SEC22A: variants seen among roughly 807,000 people sequenced by gnomAD.
SEC22A encodes SEC22 homolog A, vesicle trafficking protein.
In SEC22A, 22 loss-of-function variants were observed where a neutral mutation model predicts 35.3. The observed-to-expected ratio is 0.62, with a 90% CI of 0.45 to 0.89. The LOEUF (loss-of-function observed/expected upper bound fraction) is 0.89, where lower values mean the gene tolerates loss of function less well. Among genes scored for constraint, SEC22A ranks in the 40% least tolerant of loss-of-function variants. The pLI is 0.00. For synonymous variants in SEC22A, 119 were observed against 129.5 expected (o/e 0.92, Z 0.55); for missense variants, 354 against 362.5 (o/e 0.98, Z 0.19).
chr3:123,261,134 C>T (rs1937887644), intron 6 of SEC22A, among the ~76,000 whole-genome samples: 1 of 151,894 alleles, frequency 6.6e-6, no homozygotes, highest in African/African-American at 2.4e-5. Context: ...CGCGCCTGAC[C>T]AAAAAAATTG....
At chr3:123,225,413 A>C in intron 4 of SEC22A, 116 bp downstream of exon 4, 1 of 547,990 alleles carries the variant, frequency 1.8e-6, no homozygotes, top group Non-Finnish European at 3.0e-6. Flanking sequence ...GAGAGAATAT[A>C]GAAGTTCAAA....
chr3:123,259,757 C>T (rs1402124602), intron 6 of SEC22A, among the ~76,000 whole-genome samples, 168 bp downstream of exon 6: 1 of 152,162 alleles, frequency 6.6e-6, no homozygotes, highest in East Asian at 1.9e-4. Context: ...TTTGAGTAGA[C>T]ATACATCCCA....
intron 2 of SEC22A, among the ~76,000 whole-genome samples, chr3:123,213,094 G>A (rs1245411787): frequency 6.6e-6 from 1 of 152,130 alleles, no homozygotes; most frequent in East Asian, 1.9e-4. Context: ...GCATTTCAGA[G>A]CCATGCATAG....
Position 123,225,013 on chromosome 3 carries a change from AC to A in SEC22A, c.347-88del, listed in dbSNP as rs1937195889. 5 of 802,090 alleles carry A rather than the reference AC, an allele frequency of 6.2e-6. No individual in the cohort carries two copies. The Admixed American group carries it at 9.5e-5, about 15-fold the overall frequency. The allele number at this position is 802,090 out of a possible 1,614,324, so 49.7% of individuals were successfully genotyped here. A position where few individuals can be genotyped will look rare whatever the true frequency, so the allele number is the denominator to read the frequency against. On this transcript the variant is annotated intron_variant, in intron 3 of 6. Coordinates refer to ENST00000492595, the MANE Select transcript of SEC22A (RefSeq NM_012430.5). ...ATTGAACAATTTTGAATAATAAACT[AC>A]CTGTAATATTTACTATCCATAAACA... is the stretch of plus-strand genomic sequence containing the variant.
In SEC22A at chr3:123,245,998, T is replaced by C. The variant is rs748862039; in HGVS notation, c.641T>C (p.Ile214Thr). Residue 214 changes from isoleucine to threonine, a missense_variant, in exon 5 of 7, where the codon ATA (isoleucine) becomes ACA (threonine). Coordinates refer to ENST00000492595, the MANE Select transcript of SEC22A (RefSeq NM_012430.5). ...AATTTAATTCGAGGCTTTCATGCTA[T>C]AGAAAGTCTCCTGCAGGTACTGTGC... ...ALNLIRGFHA[I>T]ESLLQSDGDD... The C allele has an allele frequency of 6.2e-7, 1 of 1,600,780 alleles. No homozygotes were observed. The highest frequency in any genetic ancestry group is 8.6e-7 in the Non-Finnish European group (1 of 1,167,996).
chr3:123,257,722 G>A (rs1937768104), intron 5 of SEC22A, among the ~76,000 whole-genome samples: 1 of 152,046 alleles, frequency 6.6e-6, no homozygotes, highest in Non-Finnish European at 1.5e-5. Flanking sequence ...CGGGTGCAGT[G>A]GCTCACGCCT....
chr3:123,259,248 A>G (rs899296188), intron 5 of SEC22A, among the ~76,000 whole-genome samples: 1 of 152,128 alleles, frequency 6.6e-6, no homozygotes, highest in Non-Finnish European at 1.5e-5. Context: ...TTTTATCGTT[A>G]TGTCAGAACT....
At chr3:123,230,981 A>T (rs1485104877) in intron 4 of SEC22A, among the ~76,000 whole-genome samples, 1 of 152,176 alleles carries the variant, frequency 6.6e-6, no homozygotes, top group Non-Finnish European at 1.5e-5. Context: ...GGATAAAAAA[A>T]GATAAATGAA....
At chr3:123,230,960 T>G (rs557187774) in intron 4 of SEC22A, among the ~76,000 whole-genome samples, 1 of 151,972 alleles carries the variant, frequency 6.6e-6, no homozygotes, top group East Asian at 1.9e-4. Context: ...ACAAATAGAT[T>G]GAAAGTCAAA....
intron 6 of SEC22A, among the ~76,000 whole-genome samples, chr3:123,263,070 T>C (rs1278626656): frequency 6.6e-6 from 1 of 152,242 alleles, no homozygotes; most frequent in African/African-American, 2.4e-5. Flanking sequence ...ACTTCCTTAA[T>C]CTAACCGCTC....
chr3:123,228,431 T>A (rs891254122), intron 4 of SEC22A, among the ~76,000 whole-genome samples: 7 of 146,754 alleles, frequency 4.8e-5, no homozygotes, highest in African/African-American at 1.5e-4. Context: ...AAAAATTAGT[T>A]GGGCAGGGTG....
chr3:123,247,961 G>A (rs949492614), intron 5 of SEC22A, among the ~76,000 whole-genome samples: 2 of 152,250 alleles, frequency 1.3e-5, no homozygotes, highest in Non-Finnish European at 2.9e-5. Context: ...GAAAAATCGC[G>A]TGATCATATC....
intron 2 of SEC22A, among the ~76,000 whole-genome samples, chr3:123,218,544 G>T (rs760987881): frequency 6.6e-6 from 1 of 152,088 alleles, no homozygotes; most frequent in Non-Finnish European, 1.5e-5. Flanking sequence ...AGCCATTCTC[G>T]GGGTACTCAC....
At chr3:123,217,700 A>G (rs1032226727) in intron 2 of SEC22A, among the ~76,000 whole-genome samples, 1 of 152,238 alleles carries the variant, frequency 6.6e-6, no homozygotes, top group African/African-American at 2.4e-5. Context: ...TACAAATAAT[A>G]TATCAGTTCA....
intron 4 of SEC22A, among the ~76,000 whole-genome samples, chr3:123,236,268 G>T (rs1937417540): frequency 6.6e-6 from 1 of 152,136 alleles, no homozygotes; most frequent in Admixed American, 6.5e-5. Context: ...AGCTCTAGTA[G>T]TGATGGAGTA....
rs1576506753 is a variant in SEC22A, at chr3:123,268,123, T to C, written c.724-3399T>C. Among the ~76,000 whole-genome samples, 3 of 152,228 alleles carry C rather than the reference T, an allele frequency of 2.0e-5. No homozygotes were observed. In the East Asian group the frequency reaches 5.8e-4, roughly 29 times the overall value. On this transcript the variant is annotated intron_variant, in intron 6 of 6. Transcript: ENST00000492595. The stretch of plus-strand genomic sequence containing the variant: ...GCTGAAGGGTTAAAACATCTGCTTA[T>C]AATGTTCTAGGCTCTCAACATTTGA...
chr3:123,231,112 A>G (rs1937318009), intron 4 of SEC22A, among the ~76,000 whole-genome samples: 1 of 152,240 alleles, frequency 6.6e-6, no homozygotes, highest in South Asian at 2.1e-4. Context: ...CAATTAAGAT[A>G]GAGCTATAAA....
At chr3:123,258,800 C>T (rs1937804116) in intron 5 of SEC22A, among the ~76,000 whole-genome samples, 1 of 151,866 alleles carries the variant, frequency 6.6e-6, no homozygotes, top group African/African-American at 2.4e-5. Context: ...ATGCTCCTGC[C>T]CGAACTTTAT....
At chr3:123,225,968 G>T (rs1937212562) in intron 4 of SEC22A, among the ~76,000 whole-genome samples, 2 of 152,126 alleles carry the variant, frequency 1.3e-5, no homozygotes, top group Non-Finnish European at 2.9e-5. Context: ...TCTGTGTCTA[G>T]TTTATTTCAG....
Sources: gnomAD v4.1 joint callset for allele counts (sites outside exome capture counted in the v4.1 genomes callset) on GRCh38, gnomAD v4.1.1 for gene constraint, MANE v1.5 for transcripts, NCBI Gene and HGNC (gene_info 2026-07-23, HGNC 2026-07-21) for gene names.